TTC14: variants seen among roughly 807,000 people sequenced by gnomAD.
TTC14 encodes the protein tetratricopeptide repeat protein 14.
In TTC14, 63 loss-of-function variants were observed where a neutral mutation model predicts 79.9. The observed-to-expected ratio is 0.79, with a 90% CI of 0.64 to 0.97. TTC14 has a LOEUF of 0.97. TTC14 is among the 50% of genes least tolerant of loss of function. TTC14 has a pLI of 0.00. For synonymous variants in TTC14, 335 were observed against 309.6 expected, an observed-to-expected ratio of 1.08 and a Z score of -0.86; for missense variants, 895 against 894.0, an observed-to-expected ratio of 1.00 and a Z score of -0.01.
At chr3:180,616,231 A>C (rs773667444) in intron 12 of TTC14, 80 of 1,486,360 alleles carry the variant, frequency 5.4e-5, no homozygotes, top group Middle Eastern at 3.4e-4. Flanking sequence ...GGAATCACTT[A>C]GTGTACAGCT....
exon 13 of TTC14, chr3:180,617,752 TTTAAAG>T: frequency 2.8e-6 from 1 of 354,884 alleles, no homozygotes. Flanking sequence ...ATTAAAAATG[TTTAAAG>T]TTAAAAAGCT....
chr3:180,603,420 G>C, intron 3 of TTC14, 97 bp downstream of exon 3: 2 of 1,037,490 alleles, frequency 1.9e-6, no homozygotes, highest in Non-Finnish European at 2.9e-6. Flanking sequence ...AAGTATACCT[G>C]CCAAGATGCT....
downstream of TTC14, among the ~76,000 whole-genome samples, chr3:180,611,925 T>C (rs1038195052): frequency 6.6e-6 from 1 of 152,188 alleles, no homozygotes; most frequent in South Asian, 2.1e-4. Context: ...GTATTATCTG[T>C]GTCTATCAAA....
chr3:180,605,106 C>A, intron 6 of TTC14, 99 bp downstream of exon 6: 1 of 1,224,516 alleles, frequency 8.2e-7, no homozygotes, highest in Non-Finnish European at 1.1e-6. Context: ...CCTAAGCCAC[C>A]TAGTAGCAGG....
In TTC14 at chr3:180,610,568, C is replaced by T; in HGVS notation, c.*26C>T. 1.3e-6 allele frequency: 2 copies of T among 1,528,538 alleles called. No individual in the cohort carries two copies. The highest frequency in any genetic ancestry group is 8.7e-7 in the Non-Finnish European group (1 of 1,146,224). The allele number at this position is 1,528,538 out of a possible 1,614,324, so 94.7% of individuals were successfully genotyped here. A position where few individuals can be genotyped will look rare whatever the true frequency, so the allele number is the denominator to read the frequency against. On this transcript the variant is annotated 3_prime_UTR_variant, in exon 12 of 12. Coordinates refer to ENST00000296015, the MANE Select transcript of TTC14 (RefSeq NM_133462.4). ...TACACCAAGGATATCGGCACCATTA[C>T]ACAAAATGCCATTAAGTGAAGTTTT...
chr3:180,602,930 C>T lies in TTC14; in HGVS notation c.201C>T (p.Phe67=). The stretch of plus-strand genomic sequence containing the variant: ...TTGACAACATCGAGATACAGAAATT[C>T]ATCTCCAAAAAAGCGGATCTGCTTT... ...KRVDNIEIQK[F]ISKKADLLFA... Residue 67 remains phenylalanine (F), a synonymous_variant, in exon 2 of 12, where the codon TTC becomes TTT. Coordinates refer to ENST00000296015, the MANE Select transcript of TTC14 (RefSeq NM_133462.4). The T allele has an allele frequency of 1.2e-6, 2 of 1,613,282 alleles. No homozygotes were observed. The highest frequency in any genetic ancestry group is 1.7e-6 in the Non-Finnish European group (2 of 1,179,812).
chr3:180,608,494 A>G (rs887668685), intron 10 of TTC14: 15 of 1,126,272 alleles, frequency 1.3e-5, no homozygotes, highest in African/African-American at 6.6e-5. Flanking sequence ...ATGGTCCTCA[A>G]TGCTGTTCTG....
chr3:180,602,419 G>A lies in TTC14; in HGVS notation c.158G>A (p.Gly53Asp). 6.2e-7 allele frequency: 1 copy of A among 1,602,424 alleles called. No homozygotes were observed. The stretch of plus-strand genomic sequence containing the variant: ...CCGCCGCCCCAGCACCCGTTGCAGG[G>A]CAGGTAATGAGACGTTGGTGCCACT... Reference protein sequence around the residue: ...RGPPPQHPLQGRKEKRVDNIE... With the variant: ...RGPPPQHPLQDRKEKRVDNIE... Residue 53 changes from glycine (G) to aspartate (D), a missense_variant, in exon 1 of 12, where the codon GGC becomes GAC. By Grantham distance (94) the Gly-to-Asp change is moderately conservative. Coordinates refer to ENST00000296015, the MANE Select transcript of TTC14 (RefSeq NM_133462.4).
intron 11 of TTC14, chr3:180,609,390 GA>G: frequency 5.0e-6 from 6 of 1,190,424 alleles, no homozygotes; most frequent in Non-Finnish European, 6.2e-6. Context: ...AGGTAGTGTT[GA>G]AAAAAGTCTG....
In TTC14 at chr3:180,606,389, T is replaced by TG. The variant is rs1324509253; in HGVS notation, c.1049+19dup. The TG allele has an allele frequency of 2.5e-6, 4 of 1,613,702 alleles. No individual in the cohort carries two copies. The African/African-American group carries it at 5.3e-5, about 22-fold the overall frequency. On this transcript the variant is annotated intron_variant, in intron 8 of 11. Coordinates refer to ENST00000296015, the MANE Select transcript of TTC14 (RefSeq NM_133462.4). ...TGGAGCATTGTAAGTGAATCATACATGGATTTTAAGGAATGTTTACCAGGT... is the reference window on the plus strand; with the variant it reads ...TGGAGCATTGTAAGTGAATCATACATGGGATTTTAAGGAATGTTTACCAGGT...
chr3:180,605,230 A>T (rs569468924), intron 6 of TTC14: 7 of 389,654 alleles, frequency 1.8e-5, no homozygotes, highest in African/African-American at 1.4e-4. Context: ...GAAACTTTTT[A>T]TAAGAATTTT....
downstream of TTC14, among the ~76,000 whole-genome samples, chr3:180,615,776 T>C (rs1717208701): frequency 6.6e-6 from 1 of 152,028 alleles, no homozygotes; most frequent in African/African-American, 2.4e-5. Flanking sequence ...CATCTGGTGA[T>C]AGAATTCTGG....
chr3:180,617,386 C>T lies in TTC14; in HGVS notation c.1781C>T (p.Ser594Phe), dbSNP rs574486647. ...TACTTTTATTATTTTACAGTGTACT[C>T]CTATTTATTTAAAAAGTTAACTATA... Residue 594 changes from serine to phenylalanine, a missense_variant, in exon 13 of 13, where the codon TCC becomes TTC. Physicochemically the swap from Ser to Phe is radical, Grantham distance 155. Coordinates refer to the TTC14 transcript ENST00000382584. 4.0e-5 allele frequency: 25 copies of T among 627,254 alleles called. No individual in the cohort carries two copies. The South Asian group carries it at 4.6e-4, about 11-fold the overall frequency. The allele number at this position is 627,254 out of a possible 1,614,324, so 38.9% of individuals were successfully genotyped here.
rs1716833020 is a variant in TTC14, at chr3:180,608,790, G to A, written c.1380G>A (p.Lys460=). ...AAACAAGTGCAGAAAAGTTGCGTAA[G>A]CTCTTAAAAGAAGAGAAGAGGTAAA... The part of the protein sequence containing the change: ...KIETSAEKLR[K]LLKEEKRLKK... Residue 460 remains lysine (K), a synonymous_variant, in exon 11 of 12, where the codon AAG becomes AAA. Coordinates refer to ENST00000296015, the MANE Select transcript of TTC14 (RefSeq NM_133462.4). 6.5e-6 allele frequency: 10 copies of A among 1,547,558 alleles called. No homozygotes were observed. Among genetic ancestry groups the A allele is most frequent in the Non-Finnish European group, 8.7e-6 (10 of 1,152,378 alleles).
chr3:180,615,076 A>G (rs1717180469), downstream of TTC14: 1 of 1,521,980 alleles, frequency 6.6e-7, no homozygotes, highest in African/African-American at 1.4e-5. Flanking sequence ...CTCCTAGATG[A>G]CCTAGAAGAA....
chr3:180,606,491 A>T lies in TTC14; in HGVS notation c.1060A>T (p.Lys354Ter), dbSNP rs770397878. Reference sequence around the variant, plus strand: ...GTTTCATGTCTCTAGATATGCGACAAAAGGAAGTTTGAACAAAGCAATAGA... The same window carrying T: ...GTTTCATGTCTCTAGATATGCGACATAAGGAAGTTTGAACAAAGCAATAGA... ...LVARGALYAT[K>*]GSLNKAIEDF... Residue 354 changes from lysine to a stop codon, truncating the protein, a stop_gained, in exon 9 of 12, where the codon AAA becomes TAA. Transcript: ENST00000296015. LOFTEE classifies it high-confidence loss of function. The T allele has an allele frequency of 2.5e-6, 4 of 1,613,758 alleles. No homozygotes were observed. The Admixed American group carries it at 6.7e-5, about 27-fold the overall frequency.
intron 10 of TTC14, 165 bp downstream of exon 10, chr3:180,607,930 C>T (rs1418661323): frequency 2.2e-6 from 3 of 1,388,148 alleles, no homozygotes; most frequent in Non-Finnish European, 1.9e-6. Flanking sequence ...TTCATAGTGC[C>T]TCTGTTTTTG....
At chr3:180,605,541 A>G (rs1716631557) in intron 6 of TTC14, 1 of 377,348 alleles carries the variant, frequency 2.7e-6, no homozygotes, top group East Asian at 6.7e-5. Flanking sequence ...TCGACCTCCC[A>G]AAGTGTTGGG....
At chr3:180,611,240 A>T (rs901901457), downstream of TTC14, 33 of 871,600 alleles carry the variant, frequency 3.8e-5, no homozygotes, top group African/African-American at 5.5e-4. Context: ...GCATAGCCAT[A>T]AAAAGCTTTT....
Sources: allele counts gnomAD v4.1 joint callset (sites outside exome capture counted in the v4.1 genomes callset), GRCh38; gene constraint gnomAD v4.1.1; transcripts MANE v1.5; gene names NCBI Gene and HGNC (gene_info 2026-07-23, HGNC 2026-07-21).